Variants in TBPL2 observed in about 807,000 individuals in gnomAD.
The protein encoded by TBPL2 is TATA-box binding protein like 2.
Under a neutral mutation model 38.2 loss-of-function variants are expected in TBPL2, and 40 were observed. That is an observed-to-expected ratio of 1.05 (90% CI 0.81 to 1.36). The LOEUF (loss-of-function observed/expected upper bound fraction) is 1.36. Among genes scored for constraint, TBPL2 ranks in the 40% most tolerant of loss-of-function variants. The pLI, the probability that TBPL2 is intolerant of heterozygous loss-of-function variation, is 0.00. For missense variants in TBPL2, 461 were observed against 456.7 expected (o/e 1.01, Z -0.09); for synonymous variants, 169 against 171.7 (o/e 0.98, Z 0.12).
exon 7 of TBPL2, chr14:55,414,247 T>C: frequency 1.5e-6 from 1 of 680,282 alleles, no homozygotes; most frequent in Admixed American, 2.9e-5. Context: ...TTAGGTTACT[T>C]ACACAGAGTC....
chr14:55,422,656 A>G (rs1232326579), intron 6 of TBPL2, among the ~76,000 whole-genome samples: 2 of 152,172 alleles, frequency 1.3e-5, no homozygotes, highest in Non-Finnish European at 2.9e-5. Flanking sequence ...GTTCGAGACC[A>G]GCCTAGCCAA....
intron 2 of TBPL2, among the ~76,000 whole-genome samples, chr14:55,436,287 A>G (rs1405235057): frequency 6.6e-6 from 1 of 152,202 alleles, no homozygotes; most frequent in Non-Finnish European, 1.5e-5. Flanking sequence ...ATTTTCAGCA[A>G]CTACAGTGCT....
chr14:55,435,847 C>T (rs773045080), exon 3 of TBPL2: 1 of 1,555,018 alleles, frequency 6.4e-7, no homozygotes, highest in East Asian at 2.4e-5. Flanking sequence ...GAAATGTTAC[C>T]TTTGGGTTAT....
chr14:55,437,036 C>G lies in TBPL2; in HGVS notation c.151-18G>C, dbSNP rs746628524. 4.4e-5 allele frequency: 70 copies of G among 1,606,900 alleles called. 1 individual carries two copies. The highest frequency in any genetic ancestry group is 4.3e-5 in the Non-Finnish European group (51 of 1,174,008). ...AGGCCATCCTAGGCAGTTCCCAAAA[C>G]AGACAGACAAAAACACAACAGACAG... On this transcript the variant is annotated intron_variant, in intron 1 of 6. Transcript: ENST00000247219.
intron 6 of TBPL2, among the ~76,000 whole-genome samples, chr14:55,421,696 C>CA (rs1221272603): frequency 6.6e-6 from 1 of 152,150 alleles, no homozygotes; most frequent in African/African-American, 2.4e-5. Flanking sequence ...TTCCTGGCCT[C>CA]ATGTGATCTG....
At chr14:55,425,062 C>G (rs1017827086) in intron 5 of TBPL2, among the ~76,000 whole-genome samples, 6 of 152,198 alleles carry the variant, frequency 3.9e-5, no homozygotes, top group African/African-American at 1.4e-4. Flanking sequence ...AGGGTGAATC[C>G]AGACTGCATG....
At chr14:55,430,316 T>G (rs570439189) in intron 4 of TBPL2, among the ~76,000 whole-genome samples, 2 of 151,036 alleles carry the variant, frequency 1.3e-5, no homozygotes, top group Non-Finnish European at 1.5e-5. Flanking sequence ...ATCCAGATCC[T>G]TCACCAACAC....
chr14:55,420,117 C>T (rs968482194), intron 6 of TBPL2, among the ~76,000 whole-genome samples: 4 of 152,210 alleles, frequency 2.6e-5, no homozygotes, highest in African/African-American at 9.6e-5. Context: ...GTTACCCAGG[C>T]TAGAGTGCAG....
At chr14:55,424,516 G>A (rs1216470490) in intron 5 of TBPL2, among the ~76,000 whole-genome samples, 1 of 152,126 alleles carries the variant, frequency 6.6e-6, no homozygotes, top group Non-Finnish European at 1.5e-5. Flanking sequence ...GTAACTTAGG[G>A]CATCTGATTT....
At position 55,417,710 on chromosome 14, in the gene TBPL2, C is replaced by T. The variant is rs114405138; in HGVS notation, c.1052-3255G>A. ...CTCTTCGACTCAAGTGATCTGCCCA[C>T]CTTGGCCTCCCAAAGTGCTGGTATA... is the stretch of plus-strand genomic sequence containing the variant. On this transcript the variant is annotated intron_variant, in intron 6 of 6. Coordinates refer to ENST00000247219, the Ensembl canonical transcript of TBPL2. Among the ~76,000 whole-genome samples, 192 of 152,292 alleles carry T rather than the reference C, an allele frequency of 1.3e-3. 1 individual carries two copies. The highest frequency in any genetic ancestry group is 4.2e-3 in the African/African-American group (176 of 41,552).
At chr14:55,436,829 G>A (rs1886021685) in exon 2 of TBPL2, 9 of 1,614,086 alleles carry the variant, frequency 5.6e-6, no homozygotes, top group African/African-American at 1.3e-5. Flanking sequence ...CTAATGACAG[G>A]CTGGTCTTTA....
chr14:55,433,294 AC>A (rs1191892673), intron 4 of TBPL2, among the ~76,000 whole-genome samples: 1 of 141,910 alleles, frequency 7.0e-6, no homozygotes, highest in Non-Finnish European at 1.5e-5. Flanking sequence ...ACATCCAGCT[AC>A]TTTTTAGATT....
At chr14:55,426,431 G>A (rs1220191546) in intron 5 of TBPL2, among the ~76,000 whole-genome samples, 2 of 152,144 alleles carry the variant, frequency 1.3e-5, no homozygotes, top group Non-Finnish European at 2.9e-5. Flanking sequence ...CTGGGAAACT[G>A]AATGACCTTA....
At chr14:55,421,645 T>G (rs1455174531) in intron 6 of TBPL2, among the ~76,000 whole-genome samples, 1 of 152,114 alleles carries the variant, frequency 6.6e-6, no homozygotes, top group Non-Finnish European at 1.5e-5. Flanking sequence ...GTATTTTCAG[T>G]AGAGATGGGG....
At position 55,436,959 on chromosome 14, in the gene TBPL2, G is replaced by A. The variant is rs114171654; in HGVS notation, c.210C>T (p.Tyr70=). The change falls in exon 2 of 7, where the codon TAC becomes TAT. Residue 70 remains tyrosine, a synonymous_variant. Coordinates refer to ENST00000247219, the Ensembl canonical transcript of TBPL2. ...TATCCGGATTGGATGCATTCAGTAT[G>A]TACATATCATAAGGTACAACTGGGC... The A allele has an allele frequency of 1.3e-3, 2,176 of 1,614,212 alleles. 27 individuals are homozygous for A. In the African/African-American group the frequency reaches 0.025, roughly 19 times the overall value.
At chr14:55,414,452 G>A (rs111451692) in exon 7 of TBPL2, 38 of 1,600,740 alleles carry the variant, frequency 2.4e-5, no homozygotes, top group Non-Finnish European at 3.1e-5. Flanking sequence ...ACGTTCTTTG[G>A]CACCTATAAA....
chr14:55,429,624 G>A (rs1885891024), intron 4 of TBPL2, among the ~76,000 whole-genome samples: 1 of 151,990 alleles, frequency 6.6e-6, no homozygotes, highest in Admixed American at 6.6e-5. Flanking sequence ...AAATTAGCTG[G>A]ACATGGTGGC....
chr14:55,438,241 G>A (rs1886047941), intron 1 of TBPL2, among the ~76,000 whole-genome samples: 1 of 152,206 alleles, frequency 6.6e-6, no homozygotes, highest in South Asian at 2.1e-4. Flanking sequence ...TCTGACTGGA[G>A]CCTATTGGAG....
exon 5 of TBPL2, chr14:55,428,923 C>A: frequency 1.2e-6 from 2 of 1,614,186 alleles, no homozygotes; most frequent in Non-Finnish European, 8.5e-7. Flanking sequence ...GGAACCCAAG[C>A]TTCTGCACCA....
Sources: allele counts gnomAD v4.1 joint callset (sites outside exome capture counted in the v4.1 genomes callset), GRCh38; gene constraint gnomAD v4.1.1; transcripts MANE v1.5; gene names NCBI Gene and HGNC (gene_info 2026-07-23, HGNC 2026-07-21).